Variants in BPHL observed in about 807,000 individuals in gnomAD.
The protein encoded by BPHL is serine hydrolase BPHL.
In BPHL, 27 loss-of-function variants were observed where a neutral mutation model predicts 31.2. The ratio of observed to expected loss-of-function variants is 0.87; its 90% CI spans 0.64 to 1.19. BPHL has a LOEUF of 1.19. Among genes scored for constraint, BPHL ranks in the 50% most tolerant of loss-of-function variants. The probability of loss-of-function intolerance (pLI) is 0.00; values close to 1 mark genes in which losing one functional copy is unlikely to be tolerated. For missense variants in BPHL, 356 were observed against 375.7 expected, an observed-to-expected ratio of 0.95 and a Z score of 0.43; for synonymous variants, 150 against 146.8, an observed-to-expected ratio of 1.02 and a Z score of -0.16.
chr6:3,144,543 C>T (rs538913967), intron 6 of BPHL, among the ~76,000 whole-genome samples: 8 of 151,974 alleles, frequency 5.3e-5, no homozygotes, highest in Non-Finnish European at 8.8e-5. Context: ...TACCACCACT[C>T]CTAGCTAATT....
At chr6:3,147,478 G>C (rs1376252165) in intron 6 of BPHL, among the ~76,000 whole-genome samples, 1 of 152,058 alleles carries the variant, frequency 6.6e-6, no homozygotes, top group East Asian at 1.9e-4. Flanking sequence ...CTGTTGCCCA[G>C]GCTGGAGTGC....
intron 6 of BPHL, among the ~76,000 whole-genome samples, chr6:3,141,898 T>C (rs1360267642): frequency 1.3e-5 from 2 of 151,716 alleles, no homozygotes; most frequent in African/African-American, 4.8e-5. Flanking sequence ...CGCTTGAACC[T>C]GGGAGGCGGA....
chr6:3,130,917 A>G (rs759404054), intron 4 of BPHL, among the ~76,000 whole-genome samples: 22 of 151,492 alleles, frequency 1.5e-4, no homozygotes, highest in Non-Finnish European at 1.6e-4. Flanking sequence ...GCTTGTCCTT[A>G]TTTTGCTCCT....
Position 3,145,481 on chromosome 6 carries a change from G to A in BPHL, c.788+4972G>A, listed in dbSNP as rs1364178904. ...GAGTGCTGGTTTGGGTTTGAATGCTGATTCGGGGTGGAGTGCTGGTTCGGG... is the reference window on the plus strand; with the variant it reads ...GAGTGCTGGTTTGGGTTTGAATGCTAATTCGGGGTGGAGTGCTGGTTCGGG... On this transcript the variant is annotated intron_variant, in intron 6 of 6. Coordinates refer to ENST00000380379, the MANE Select transcript of BPHL (RefSeq NM_004332.4). Among the ~76,000 whole-genome samples, 2 of 74,306 alleles carry A rather than the reference G, an allele frequency of 2.7e-5. 1 individual carries two copies. The highest frequency in any genetic ancestry group is 6.4e-5 in the Non-Finnish European group (2 of 31,150). The allele number at this position is 74,306 out of a possible 152,430, so 48.7% of individuals were successfully genotyped here.
chr6:3,143,323 CT>C (rs1219536119), intron 6 of BPHL, among the ~76,000 whole-genome samples: 1 of 152,200 alleles, frequency 6.6e-6, no homozygotes, highest in African/African-American at 2.4e-5. Flanking sequence ...ACCAAACTGC[CT>C]TTCTTGCCTC....
In BPHL at chr6:3,152,681, C is replaced by A; in HGVS notation, c.*106C>A. 1.0e-6 allele frequency: 1 copy of A among 981,924 alleles called. No individual in the cohort carries two copies. The highest frequency in any genetic ancestry group is 1.5e-6 in the Non-Finnish European group (1 of 650,282). The allele number at this position is 981,924 out of a possible 1,614,324, so 60.8% of individuals were successfully genotyped here. A position where few individuals can be genotyped will look rare whatever the true frequency, so the allele number is the denominator to read the frequency against. ...TCTCCGCCTTTGAAACTTTCTACCC[C>A]TCCCTTCAATCTTATCCTAACCAAA... On this transcript the variant is annotated 3_prime_UTR_variant, in exon 7 of 7. Coordinates refer to ENST00000380379, the MANE Select transcript of BPHL (RefSeq NM_004332.4).
chr6:3,150,165 G>A (rs77037314), intron 6 of BPHL: 5,951 of 152,196 alleles, frequency 0.039, 194 homozygotes, highest in African/African-American at 0.082. Context: ...GGCACTCTGC[G>A]GATTACAGAC....
intron 6 of BPHL, among the ~76,000 whole-genome samples, chr6:3,145,555 TG>T (rs1561800129): frequency 1.4e-4 from 10 of 72,242 alleles, no homozygotes; most frequent in African/African-American, 3.0e-4. Flanking sequence ...GGAGTGCTGG[TG>T]TGGGTTGGAG....
intron 2 of BPHL, 30 bp from the exon 3 acceptor site, chr6:3,127,212 A>ACAG: frequency 6.9e-7 from 1 of 1,451,866 alleles, no homozygotes; most frequent in South Asian, 1.5e-5. Flanking sequence ...GAAAGCGATC[A>ACAG]CCTGAGGGTA....
At chr6:3,145,145 T>TC (rs1762294268) in intron 6 of BPHL, among the ~76,000 whole-genome samples, 5 of 141,166 alleles carry the variant, frequency 3.5e-5, no homozygotes, top group Non-Finnish European at 6.1e-5. Context: ...GAGTGCTGGT[T>TC]TGGGTCGAGT....
chr6:3,120,859 G>A (rs1581457585), intron 1 of BPHL, among the ~76,000 whole-genome samples: 1 of 152,292 alleles, frequency 6.6e-6, no homozygotes, highest in Middle Eastern at 3.4e-3. Flanking sequence ...TTCTGCTGAC[G>A]CTTGCCACCA....
rs561142715 is a variant in BPHL, at chr6:3,134,768, A to G, written c.533-2594A>G. Among the ~76,000 whole-genome samples, 19 of 151,596 alleles carry G rather than the reference A, an allele frequency of 1.3e-4. No homozygotes were observed. In the East Asian group the frequency reaches 3.7e-3, roughly 29 times the overall value. ...CAGGCGCCTGCCACCACGCCCGGCT[A>G]TTTTTTTGTATTTTTAGTAGAGACG... On this transcript the variant is annotated intron_variant, in intron 4 of 6. Coordinates refer to ENST00000380379, the MANE Select transcript of BPHL (RefSeq NM_004332.4).
Position 3,140,590 on chromosome 6 carries a change from G to A in BPHL, c.788+81G>A, listed in dbSNP as rs1415225780. ...AAGCTACTGGAAGGAAAATAACCAA[G>A]AGGAGTTGGAGTTTTAGAGTGCACA... is the stretch of plus-strand genomic sequence containing the variant. On this transcript the variant is annotated intron_variant, in intron 6 of 6. Coordinates refer to ENST00000380379, the MANE Select transcript of BPHL (RefSeq NM_004332.4). The surrounding 1 kb of genome is among the most constrained non-coding windows in gnomAD (Gnocchi z 5.2). 9 of 1,583,418 alleles carry A rather than the reference G, an allele frequency of 5.7e-6. No homozygotes were observed. The East Asian group carries it at 1.6e-4, about 28-fold the overall frequency.
chr6:3,144,391 G>GTTTT (rs796426507), intron 6 of BPHL, among the ~76,000 whole-genome samples: 2 of 130,288 alleles, frequency 1.5e-5, no homozygotes, highest in Admixed American at 8.2e-5. Flanking sequence ...TTTTTTTTTT[G>GTTTT]TTTTTTTTTT....
At chr6:3,143,221 AAAAC>A (rs57948436) in intron 6 of BPHL, among the ~76,000 whole-genome samples, 4 of 152,062 alleles carry the variant, frequency 2.6e-5, no homozygotes, top group South Asian at 2.1e-4. Context: ...CCCTCTCTGA[AAAAC>A]AAACAAACAA....
rs1210331175 is a variant in BPHL at position 3,145,315 on chromosome 6, G to GTGCTGGTTTGGGTTTGAA, written c.788+4814_788+4815insTGGGTTTGAATGCTGGTT. 1.3e-4 allele frequency among the ~76,000 whole-genome samples: 8 copies of GTGCTGGTTTGGGTTTGAA among 60,434 alleles called. 2 individuals are homozygous for GTGCTGGTTTGGGTTTGAA. Among genetic ancestry groups the GTGCTGGTTTGGGTTTGAA allele is most frequent in the African/African-American group, 3.3e-4 (5 of 15,298 alleles). The allele number at this position is 60,434 out of a possible 152,430, so 39.6% of individuals were successfully genotyped here. ...GGTCCGAGTGCTGGTTCGGGGTGGA[G>GTGCTGGTTTGGGTTTGAA]TGCTGGTTCGGGGTGGAGTGCTGGT... On this transcript the variant is annotated intron_variant, in intron 6 of 6. Transcript: ENST00000380379.
intron 5 of BPHL, chr6:3,138,035 T>G (rs1286871066): frequency 8.0e-7 from 1 of 1,255,412 alleles, no homozygotes; most frequent in Admixed American, 2.3e-5. Context: ...ATTCTTTTTT[T>G]TTTAGATGGA....
intron 1 of BPHL, among the ~76,000 whole-genome samples, chr6:3,120,402 A>G (rs1761536186): frequency 6.6e-6 from 1 of 152,252 alleles, no homozygotes. Flanking sequence ...TGCATTGCAG[A>G]TCATTCTTCC....
intron 2 of BPHL, among the ~76,000 whole-genome samples, chr6:3,126,253 A>T (rs1023294723): frequency 1.8e-4 from 28 of 152,214 alleles, no homozygotes; most frequent in Admixed American, 1.3e-3. Flanking sequence ...AGTAAAAAAA[A>T]AAAAAATTAA....
Sources: allele counts gnomAD v4.1 joint callset (sites outside exome capture counted in the v4.1 genomes callset), GRCh38; gene constraint gnomAD v4.1.1; non-coding constraint Gnocchi (gnomAD v3.1); transcripts MANE v1.5; gene names NCBI Gene and HGNC (gene_info 2026-07-23, HGNC 2026-07-21).